The following PTPRC variants were observed in gnomAD, a reference collection of about 807,000 sequenced individuals.
PTPRC encodes the protein receptor-type tyrosine-protein phosphatase C.
A neutral mutation model predicts 155.9 loss-of-function variants in PTPRC; 44 were observed. That is an observed-to-expected ratio of 0.28 (90% CI 0.22 to 0.36). The LOEUF (loss-of-function observed/expected upper bound fraction) is 0.36. PTPRC is among the 10% of genes least tolerant of loss of function. PTPRC has a pLI of 1.00. For missense variants in PTPRC, 1,401 were observed against 1,564.6 expected (o/e 0.90, Z 1.76); for synonymous variants, 525 against 533.1 (o/e 0.98, Z 0.21).
At chr1:198,705,631 C>T (rs925670861) in intron 8 of PTPRC, among the ~76,000 whole-genome samples, 4 of 151,578 alleles carry the variant, frequency 2.6e-5, no homozygotes, top group Non-Finnish European at 4.4e-5. Context: ...ATGTTGCCCA[C>T]GCTGGTCTTG....
intron 2 of PTPRC, among the ~76,000 whole-genome samples, chr1:198,641,336 AT>A (rs1662570592): frequency 6.6e-6 from 1 of 152,004 alleles, no homozygotes; most frequent in African/African-American, 2.4e-5. Flanking sequence ...AATGAGTTGG[AT>A]TCTATGTTTC....
chr1:198,746,432 T>C lies in PTPRC; in HGVS notation c.2848-1677T>C, dbSNP rs544741487. 1.3e-5 allele frequency among the ~76,000 whole-genome samples: 2 copies of C among 151,508 alleles called. 1 individual carries two copies. The highest frequency in any genetic ancestry group is 4.2e-4 in the South Asian group (2 of 4,792). ...AAAAGGGCTGCTGAGTTATTGGTGG[T>C]GTCCTTAGCTGACATCCAGGTTTTA... is the stretch of plus-strand genomic sequence containing the variant. On this transcript the variant is annotated intron_variant, in intron 26 of 32. Coordinates refer to ENST00000442510, the MANE Select transcript of PTPRC (RefSeq NM_002838.5).
chr1:198,700,626 C>T (rs371203409), intron 5 of PTPRC, among the ~76,000 whole-genome samples: 1 of 152,124 alleles, frequency 6.6e-6, no homozygotes, highest in South Asian at 2.1e-4. Context: ...TTTAGCAAAC[C>T]CACAGATCCA....
At chr1:198,747,233 G>A (rs938434591) in intron 26 of PTPRC, among the ~76,000 whole-genome samples, 3 of 150,232 alleles carry the variant, frequency 2.0e-5, no homozygotes, top group African/African-American at 7.3e-5. Context: ...CAACCAAAAG[G>A]GGAAAGGGTA....
In PTPRC at chr1:198,755,767, A is replaced by G. The variant is rs917811351; in HGVS notation, c.3646-139A>G. 2.4e-5 allele frequency: 22 copies of G among 913,262 alleles called. No homozygotes were observed. The African/African-American group carries it at 3.3e-4, about 14-fold the overall frequency. 56.6% of individuals were successfully genotyped at this position (913,262 alleles called of 1,614,324 possible). On this transcript the variant is annotated intron_variant, in intron 32 of 32. Coordinates refer to ENST00000442510, the MANE Select transcript of PTPRC (RefSeq NM_002838.5). ...GAAACTAAATTATTTAGATGTTTTT[A>G]TGAGAACATATCAAAAAGTACTTTT... is the stretch of plus-strand genomic sequence containing the variant.
intron 2 of PTPRC, among the ~76,000 whole-genome samples, chr1:198,650,371 G>C (rs1331398469): frequency 6.6e-6 from 1 of 151,844 alleles, no homozygotes; most frequent in East Asian, 1.9e-4. Context: ...GTTATGAGGA[G>C]ACTGAATGGG....
chr1:198,734,935 C>G (rs939255036), intron 22 of PTPRC, among the ~76,000 whole-genome samples, 192 bp from the exon 23 acceptor site: 1 of 151,640 alleles, frequency 6.6e-6, no homozygotes, highest in Admixed American at 6.6e-5. Context: ...GAAGGAAATT[C>G]TTCAGGACAC....
At chr1:198,717,985 A>G in intron 13 of PTPRC, 109 bp from the exon 14 acceptor site, 1 of 903,824 alleles carries the variant, frequency 1.1e-6, no homozygotes, top group Admixed American at 2.1e-5. Flanking sequence ...CTTATTTATA[A>G]CCCCCAAGCT....
At position 198,652,706 on chromosome 1, in the gene PTPRC, G is replaced by A. The variant is rs1663320237; in HGVS notation, c.73+13365G>A. Among the ~76,000 whole-genome samples, 4 of 151,686 alleles carry A rather than the reference G, an allele frequency of 2.6e-5. No homozygotes were observed. The South Asian group carries it at 8.3e-4, about 31-fold the overall frequency. On this transcript the variant is annotated intron_variant, in intron 2 of 32. Transcript: ENST00000442510. ...CTTGCTGAATGGTAACTTTAGAAGA[G>A]AGGGAACCCAGGAGTCCATCCAGAG...
chr1:198,664,159 G>A (rs1310640959), intron 2 of PTPRC, among the ~76,000 whole-genome samples: 1 of 152,114 alleles, frequency 6.6e-6, no homozygotes, highest in Non-Finnish European at 1.5e-5. Context: ...TTGAATAATT[G>A]AGGACAGTGT....
Position 198,756,096 on chromosome 1 carries a change from A to C in PTPRC, c.3836A>C (p.Glu1279Ala). The change falls in exon 33 of 33, where the codon GAA becomes GCA. Residue 1279 changes from glutamate to alanine, a missense_variant. Glu to Ala is a moderately radical substitution (Grantham distance 107). Transcript: ENST00000442510. ...EKLPEAKEQAEGSEPTSGTEG... is the reference protein window; with the variant it reads ...EKLPEAKEQAAGSEPTSGTEG... ...CTCCCTGAAGCAAAGGAACAGGCTGAAGGTTCTGAACCCACGAGTGGCACT... is the reference window on the plus strand; with the variant it reads ...CTCCCTGAAGCAAAGGAACAGGCTGCAGGTTCTGAACCCACGAGTGGCACT... 1.2e-6 allele frequency: 2 copies of C among 1,613,474 alleles called. No individual in the cohort carries two copies. The highest frequency in any genetic ancestry group is 1.7e-6 in the Non-Finnish European group (2 of 1,179,688).
intron 2 of PTPRC, among the ~76,000 whole-genome samples, chr1:198,681,053 G>A (rs912319360): frequency 6.6e-6 from 1 of 152,032 alleles, no homozygotes; most frequent in Non-Finnish European, 1.5e-5. Flanking sequence ...TCAAATAGTA[G>A]GTATTCGGTA....
intron 2 of PTPRC, among the ~76,000 whole-genome samples, chr1:198,669,790 T>A (rs1664541634): frequency 6.6e-6 from 1 of 152,196 alleles, no homozygotes; most frequent in Admixed American, 6.5e-5. Flanking sequence ...AATAGCTTAC[T>A]TAGTCCTGGG....
At chr1:198,710,595 CTTT>C (rs1408120191) in intron 11 of PTPRC, among the ~76,000 whole-genome samples, 1 of 152,100 alleles carries the variant, frequency 6.6e-6, no homozygotes, top group Non-Finnish European at 1.5e-5. Context: ...TTTATGTCTT[CTTT>C]AATTTATTTT....
In PTPRC at chr1:198,698,691, GTA is replaced by G. The variant is rs200113441; in HGVS notation, c.299-863_299-862del. On this transcript the variant is annotated intron_variant, in intron 4 of 32. Transcript: ENST00000442510. ...ATTTTCAATATAGATGGGTATGTGT[GTA>G]TATATATATTTGTATATACTGTTAA... is the stretch of plus-strand genomic sequence containing the variant. 1.7e-3 allele frequency among the ~76,000 whole-genome samples: 261 copies of G among 151,418 alleles called. 1 individual carries two copies. Among genetic ancestry groups the G allele is most frequent in the African/African-American group, 6.0e-3 (246 of 41,296 alleles).
At chr1:198,663,261 C>G (rs1482515260) in intron 2 of PTPRC, among the ~76,000 whole-genome samples, 1 of 152,154 alleles carries the variant, frequency 6.6e-6, no homozygotes. Flanking sequence ...CTTTTCAGTG[C>G]GTTAATGGAG....
intron 17 of PTPRC, among the ~76,000 whole-genome samples, chr1:198,729,657 G>A (rs146877063): frequency 2.0e-3 from 298 of 152,194 alleles, no homozygotes; most frequent in African/African-American, 7.0e-3. Flanking sequence ...CCCAGTGTAC[G>A]CCAAGCATTG....
chr1:198,754,431 A>C (rs1039044114), intron 32 of PTPRC, 27 bp downstream of exon 32: 1 of 1,612,370 alleles, frequency 6.2e-7, no homozygotes, highest in Admixed American at 1.7e-5. Context: ...ATTGCTTTTA[A>C]CATGCTCGGA....
At chr1:198,673,315 G>A (rs1469279621) in intron 2 of PTPRC, among the ~76,000 whole-genome samples, 1 of 152,038 alleles carries the variant, frequency 6.6e-6, no homozygotes, top group Non-Finnish European at 1.5e-5. Context: ...ATACTGTGTG[G>A]ATTCAAATTT....
Sources: gnomAD v4.1 joint callset for allele counts (sites outside exome capture counted in the v4.1 genomes callset) on GRCh38, gnomAD v4.1.1 for gene constraint, MANE v1.5 for transcripts, NCBI Gene and HGNC (gene_info 2026-07-23, HGNC 2026-07-21) for gene names.